PIAS4: variants seen among roughly 807,000 people sequenced by gnomAD.
The protein encoded by PIAS4 is protein inhibitor of activated STAT 4.
Under a neutral mutation model 58.0 loss-of-function variants are expected in PIAS4, and 7 were observed. That is an observed-to-expected ratio of 0.12 (90% CI 0.07 to 0.23). PIAS4 has a LOEUF of 0.23. PIAS4 is among the 10% of genes least tolerant of loss of function. The probability of loss-of-function intolerance (pLI) is 1.00; values close to 1 mark genes in which losing one functional copy is unlikely to be tolerated. For synonymous variants in PIAS4, 364 were observed against 312.4 expected (o/e 1.17, Z -1.74); for missense variants, 550 against 709.5 (o/e 0.78, Z 2.55).
intron 2 of PIAS4, among the ~76,000 whole-genome samples, chr19:4,020,456 T>C (rs1287364172): frequency 6.6e-6 from 1 of 151,232 alleles, no homozygotes; most frequent in East Asian, 2.0e-4. Context: ...TTGTCTCGTC[T>C]CCCGGCCACT....
At chr19:4,019,381 A>G (rs1015770073) in intron 2 of PIAS4, among the ~76,000 whole-genome samples, 1 of 152,024 alleles carries the variant, frequency 6.6e-6, no homozygotes, top group African/African-American at 2.4e-5. Flanking sequence ...CAGGGCAGGG[A>G]CCCCAGAGTC....
At chr19:4,018,401 C>T (rs1289973516) in intron 2 of PIAS4, 5 of 152,248 alleles carry the variant, frequency 3.3e-5, no homozygotes, top group Non-Finnish European at 1.5e-5. Context: ...CGTGAGGCTC[C>T]CTGGCAGCCT....
chr19:4,029,854 A>C (rs1599229072), intron 7 of PIAS4, among the ~76,000 whole-genome samples: 7 of 108,346 alleles, frequency 6.5e-5, no homozygotes, highest in African/African-American at 1.4e-4. Context: ...ACAGAGTCTC[A>C]CTCTGTTGCC....
intron 1 of PIAS4, among the ~76,000 whole-genome samples, chr19:4,008,610 C>T (rs1156261583): frequency 6.6e-6 from 1 of 152,094 alleles, no homozygotes; most frequent in Non-Finnish European, 1.5e-5. Flanking sequence ...AAATCCTGGA[C>T]TGTGCTTTGG....
intron 2 of PIAS4, among the ~76,000 whole-genome samples, chr19:4,022,786 C>T (rs2040123214): frequency 6.6e-6 from 1 of 151,942 alleles, no homozygotes; most frequent in African/African-American, 2.4e-5. Context: ...AATTCTCCTG[C>T]CTCAGCCTCC....
chr19:4,012,761 G>C (rs1283848311), intron 1 of PIAS4, among the ~76,000 whole-genome samples, 162 bp from the exon 2 acceptor site: 1 of 152,046 alleles, frequency 6.6e-6, no homozygotes, highest in Non-Finnish European at 1.5e-5. Context: ...TTTGCTGGGA[G>C]GGGGCACCGT....
intron 2 of PIAS4, among the ~76,000 whole-genome samples, chr19:4,015,707 C>T (rs142776919): frequency 1.8e-4 from 28 of 152,276 alleles, no homozygotes; most frequent in East Asian, 9.7e-4. Context: ...TGGCCTTGCC[C>T]GGGGGCCGCC....
At chr19:4,019,973 GC>G (rs1367089012) in intron 2 of PIAS4, among the ~76,000 whole-genome samples, 1 of 151,464 alleles carries the variant, frequency 6.6e-6, no homozygotes, top group Non-Finnish European at 1.5e-5. Context: ...CTGGAGTGCA[GC>G]GGCAGGATCT....
Position 4,029,007 on chromosome 19 carries a change from T to G in PIAS4, c.878T>G (p.Val293Gly). ...CTGCAGAGGCTGAAGACCATTGGGG[T>G]AAAGCACCCGGAGCTGTGCAAGGCA... ...ELLQRLKTIG[V>G]KHPELCKALV... The change falls in exon 7 of 11, where the codon GTA becomes GGA. Residue 293 changes from valine (V) to glycine (G), a missense_variant. By Grantham distance (109) the Val-to-Gly change is moderately radical (BLOSUM62 -3). Transcript: ENST00000262971. 1 of 1,607,922 alleles carries G rather than the reference T, an allele frequency of 6.2e-7. No homozygotes were observed. Among genetic ancestry groups the G allele is most frequent in the Non-Finnish European group, 8.5e-7 (1 of 1,177,912 alleles).
At position 4,024,146 on chromosome 19, in the gene PIAS4, C is replaced by G. The variant is rs372581511; in HGVS notation, c.539+26C>G. ...GTGTGCGGCACCTCCCCCAGCCCAG[C>G]ACCCCACCGCCCGCCCACCCACTTT... On this transcript the variant is annotated intron_variant, in intron 3 of 10. Coordinates refer to ENST00000262971, the MANE Select transcript of PIAS4 (RefSeq NM_015897.4). 7.7e-6 allele frequency: 12 copies of G among 1,553,210 alleles called. No homozygotes were observed. The African/African-American group carries it at 1.6e-4, about 21-fold the overall frequency.
chr19:4,028,229 G>T, intron 4 of PIAS4, 42 bp downstream of exon 4: 1 of 1,076,734 alleles, frequency 9.3e-7, no homozygotes, highest in Non-Finnish European at 1.2e-6. Context: ...TGGACCCCCA[G>T]CCACCCGCCC....
intron 7 of PIAS4, among the ~76,000 whole-genome samples, chr19:4,029,600 C>T (rs2040203070): frequency 6.6e-6 from 1 of 151,202 alleles, no homozygotes; most frequent in East Asian, 2.0e-4. Flanking sequence ...GTAGAGGTTG[C>T]AGTGAGCTGA....
rs955282315 is a variant in PIAS4 at position 4,037,948 on chromosome 19, A to G, written c.*73A>G. The G allele has an allele frequency of 7.0e-6, 10 of 1,431,908 alleles. No individual in the cohort carries two copies. Among genetic ancestry groups the G allele is most frequent in the Non-Finnish European group, 8.4e-6 (9 of 1,074,264 alleles). 88.7% of individuals were successfully genotyped at this position (1,431,908 alleles called of 1,614,324 possible). ...ACGGGCCAGCCTCGGGCGCAGAGGG[A>G]GGAGTGACCTTTCTTTTTCTTTTTA... On this transcript the variant is annotated 3_prime_UTR_variant, in exon 11 of 11. Coordinates refer to ENST00000262971, the MANE Select transcript of PIAS4 (RefSeq NM_015897.4). The surrounding 1 kb of genome is among the most constrained non-coding windows in gnomAD (Gnocchi z 5.8).
intron 2 of PIAS4, among the ~76,000 whole-genome samples, chr19:4,023,686 A>AT (rs1169387720): frequency 6.6e-6 from 1 of 152,160 alleles, no homozygotes; most frequent in Non-Finnish European, 1.5e-5. Flanking sequence ...GAGAGGAGGT[A>AT]TGGCAGTGTC....
At chr19:4,010,401 T>C (rs891528881) in intron 1 of PIAS4, among the ~76,000 whole-genome samples, 2 of 152,246 alleles carry the variant, frequency 1.3e-5, no homozygotes, top group African/African-American at 4.8e-5. Flanking sequence ...AGTCTGCCAG[T>C]GTGAAGTGTC....
In PIAS4 at chr19:4,020,505, G is replaced by A. The variant is rs553308122; in HGVS notation, c.455-3531G>A. Reference sequence around the variant, plus strand: ...TGTGGCCAGATTCTCGCTCCCCCACGCTCTTCCGATATTTTTTACACTTAT... The same window carrying A: ...TGTGGCCAGATTCTCGCTCCCCCACACTCTTCCGATATTTTTTACACTTAT... On this transcript the variant is annotated intron_variant, in intron 2 of 10. Transcript: ENST00000262971. Among the ~76,000 whole-genome samples the A allele has an allele frequency of 4.1e-4, 63 of 152,278 alleles. 1 individual carries two copies. The South Asian group carries it at 5.0e-3, about 12-fold the overall frequency.
At chr19:4,010,852 T>C (rs912937682) in intron 1 of PIAS4, among the ~76,000 whole-genome samples, 1 of 152,212 alleles carries the variant, frequency 6.6e-6, no homozygotes. Flanking sequence ...AGCCCTGATA[T>C]GGGAAGAGGC....
intron 2 of PIAS4, among the ~76,000 whole-genome samples, chr19:4,016,374 C>G (rs2040053975): frequency 6.6e-6 from 1 of 152,238 alleles, no homozygotes; most frequent in Non-Finnish European, 1.5e-5. Flanking sequence ...CACCACGACT[C>G]CAGATGCCCC....
chr19:4,031,017 G>C (rs544294680), intron 7 of PIAS4, among the ~76,000 whole-genome samples: 1 of 152,320 alleles, frequency 6.6e-6, no homozygotes, highest in Non-Finnish European at 1.5e-5. Flanking sequence ...AATGGTGGCT[G>C]TTTTCAGGTG....
Sources: gnomAD v4.1 joint callset for allele counts (sites outside exome capture counted in the v4.1 genomes callset) on GRCh38, gnomAD v4.1.1 for gene constraint, Gnocchi (gnomAD v3.1) non-coding constraint, MANE v1.5 for transcripts, NCBI Gene and HGNC (gene_info 2026-07-23, HGNC 2026-07-21) for gene names.